TMEM232: variants seen among roughly 807,000 people sequenced by gnomAD.
TMEM232 encodes transmembrane protein 232.
A neutral mutation model predicts 78.8 loss-of-function variants in TMEM232; 80 were observed. The observed-to-expected ratio is 1.01, with a 90% confidence interval of 0.85 to 1.22. The LOEUF is 1.22. Among genes scored for constraint, TMEM232 ranks in the 50% most tolerant of loss-of-function variants. TMEM232 has a pLI of 0.00. For missense variants in TMEM232, 881 were observed against 742.2 expected, an observed-to-expected ratio of 1.19 and a Z score of -2.17; for synonymous variants, 297 against 254.3, an observed-to-expected ratio of 1.17 and a Z score of -1.60.
intron 2 of TMEM232, among the ~76,000 whole-genome samples, chr5:110,412,567 CTTT>C (rs66505851): frequency 1.4e-5 from 2 of 147,772 alleles, no homozygotes; most frequent in African/African-American, 2.5e-5. Context: ...TAGCCAAACT[CTTT>C]TTTTTTTTTA....
chr5:110,417,110 C>T (rs1756246939), downstream of TMEM232, among the ~76,000 whole-genome samples: 1 of 152,074 alleles, frequency 6.6e-6, no homozygotes, highest in Non-Finnish European at 1.5e-5. Context: ...TTATGAAACC[C>T]ATAATAAATA....
At chr5:110,505,061 T>C (rs1427154832) in intron 12 of TMEM232, among the ~76,000 whole-genome samples, 1 of 152,212 alleles carries the variant, frequency 6.6e-6, no homozygotes, top group Non-Finnish European at 1.5e-5. Context: ...TGTTGCTACA[T>C]CTCTTTGAAA....
intron 13 of TMEM232, among the ~76,000 whole-genome samples, chr5:110,423,088 G>T (rs1233233930): frequency 6.6e-6 from 1 of 152,064 alleles, no homozygotes; most frequent in African/African-American, 2.4e-5. Flanking sequence ...AAGTCTGTTG[G>T]CTTAGAAGGA....
intron 11 of TMEM232, among the ~76,000 whole-genome samples, chr5:110,538,510 A>G (rs1772688977): frequency 6.6e-6 from 1 of 152,194 alleles, no homozygotes; most frequent in Non-Finnish European, 1.5e-5. Flanking sequence ...AATGCCATCA[A>G]AGGCTCTTGC....
At chr5:110,466,355 AATT>A in intron 12 of TMEM232, among the ~76,000 whole-genome samples, 1 of 152,306 alleles carries the variant, frequency 6.6e-6, no homozygotes, top group East Asian at 1.9e-4. Context: ...CCATGGAGGA[AATT>A]ATTTTTTTAA....
chr5:110,638,096 T>C (rs1786132100), intron 5 of TMEM232, 102 bp downstream of exon 5: 1 of 905,734 alleles, frequency 1.1e-6, no homozygotes, highest in Non-Finnish European at 1.6e-6. Context: ...GAATATTCTA[T>C]AATAAAACTA....
chr5:110,711,186 C>G (rs1196436736), intron 1 of TMEM232, among the ~76,000 whole-genome samples: 1 of 151,960 alleles, frequency 6.6e-6, no homozygotes, highest in Non-Finnish European at 1.5e-5. Flanking sequence ...AAATTAAATA[C>G]CTAGGTATTA....
At chr5:110,483,515 C>T (rs575907226) in intron 12 of TMEM232, among the ~76,000 whole-genome samples, 9 of 151,896 alleles carry the variant, frequency 5.9e-5, no homozygotes, top group East Asian at 1.9e-4. Flanking sequence ...AACCAAACAC[C>T]GCATGTTCTC....
At chr5:110,716,373 G>A (rs149200859) in intron 1 of TMEM232, among the ~76,000 whole-genome samples, 1,841 of 152,206 alleles carry the variant, frequency 0.012, 45 homozygotes, top group African/African-American at 0.042. Context: ...AAGTAATAAT[G>A]AAATAATTAT....
intron 1 of TMEM232, among the ~76,000 whole-genome samples, chr5:110,677,938 A>G (rs1792233742): frequency 6.6e-6 from 1 of 152,218 alleles, no homozygotes; most frequent in Non-Finnish European, 1.5e-5. Context: ...TTGAAATTCA[A>G]TCCAAATTGG....
intron 4 of TMEM232, among the ~76,000 whole-genome samples, chr5:110,388,586 C>G (rs1391990962): frequency 6.6e-6 from 1 of 152,192 alleles, no homozygotes; most frequent in African/African-American, 2.4e-5. Flanking sequence ...ATATCACTTG[C>G]TTCATGCACT....
intron 6 of TMEM232, among the ~76,000 whole-genome samples, chr5:110,627,140 T>C (rs971013874): frequency 3.9e-5 from 6 of 152,014 alleles, no homozygotes; most frequent in Admixed American, 6.6e-5. Context: ...GTTCAGAACA[T>C]CATTATCTTA....
At chr5:110,685,887 A>G (rs1296518164) in intron 1 of TMEM232, among the ~76,000 whole-genome samples, 3 of 152,182 alleles carry the variant, frequency 2.0e-5, no homozygotes, top group Non-Finnish European at 4.4e-5. Context: ...GAAAAAAGCC[A>G]AACACAAAAG....
At chr5:110,412,483 T>A (rs79583199) in intron 2 of TMEM232, among the ~76,000 whole-genome samples, 1 of 152,116 alleles carries the variant, frequency 6.6e-6, no homozygotes, top group Non-Finnish European at 1.5e-5. Flanking sequence ...GAAGCAATCA[T>A]GACCATTGAT....
rs10213938 is a variant in TMEM232, at chr5:110,545,555, T to G, written c.1456-16720A>C. Among the ~76,000 whole-genome samples the G allele has an allele frequency of 4.2e-3, 646 of 152,126 alleles. 3 individuals are homozygous for G. Among genetic ancestry groups the G allele is most frequent in the African/African-American group, 0.014 (599 of 41,528 alleles). ...AGCTCACTTTCCAAACTATTGCTAT[T>G]TATGTCAAAAGTAAAGCCACATGTG... On this transcript the variant is annotated intron_variant, in intron 11 of 13. Coordinates refer to ENST00000455884, the MANE Select transcript of TMEM232 (RefSeq NM_001039763.4).
At position 110,614,662 on chromosome 5, in the gene TMEM232, T is replaced by A. The variant is rs544385886; in HGVS notation, c.902+3767A>T. Among the ~76,000 whole-genome samples, 470 of 152,202 alleles carry A rather than the reference T, an allele frequency of 3.1e-3. 3 individuals carry two copies. Among genetic ancestry groups the A allele is most frequent in the African/African-American group, 0.011 (447 of 41,570 alleles). ...GGTAATTATTAGAGTACTTTTTAAA[T>A]AAATTTGACCAAGTCACACAATATT... On this transcript the variant is annotated intron_variant, in intron 8 of 13. Transcript: ENST00000455884.
intron 10 of TMEM232, among the ~76,000 whole-genome samples, chr5:110,584,862 G>A (rs568815103): frequency 6.6e-6 from 1 of 152,048 alleles, no homozygotes; most frequent in East Asian, 1.9e-4. Context: ...AAGATAGGAA[G>A]CCTAAATCTA....
At chr5:110,458,339 G>C (rs191531733) in intron 12 of TMEM232, among the ~76,000 whole-genome samples, 8 of 151,216 alleles carry the variant, frequency 5.3e-5, no homozygotes, top group African/African-American at 1.9e-4. Flanking sequence ...TGTTGGCTTT[G>C]AGGAGCTCCT....
intron 10 of TMEM232, among the ~76,000 whole-genome samples, chr5:110,588,340 G>T (rs894257796): frequency 6.6e-6 from 1 of 152,004 alleles, no homozygotes; most frequent in East Asian, 1.9e-4. Context: ...AAGCACTTGG[G>T]TCCTATGCAC....
Sources: gnomAD v4.1 joint callset for allele counts (sites outside exome capture counted in the v4.1 genomes callset) on GRCh38, gnomAD v4.1.1 for gene constraint, MANE v1.5 for transcripts, NCBI Gene and HGNC (gene_info 2026-07-23, HGNC 2026-07-21) for gene names.